The following SLC35E2B variants were observed in gnomAD, a reference collection of about 807,000 sequenced individuals.
SLC35E2B encodes the protein solute carrier family 35, member E2B.
SLC35E2B carries 18 observed loss-of-function variants against 32.4 expected under a neutral mutation model. The observed-to-expected ratio is 0.56, with a 90% CI of 0.38 to 0.82. SLC35E2B has a LOEUF of 0.82. Among genes scored for constraint, SLC35E2B ranks in the 40% least tolerant of loss-of-function variants. The probability of loss-of-function intolerance (pLI) is 0.00; values close to 1 mark genes in which losing one functional copy is unlikely to be tolerated. For synonymous variants in SLC35E2B, 132 were observed against 209.1 expected (o/e 0.63, Z 3.18); for missense variants, 263 against 469.5 (o/e 0.56, Z 4.06).
chr1:1,665,944 C>G lies in SLC35E2B; in HGVS notation c.1056G>C (p.Leu352Phe), dbSNP rs762935324. The G allele has an allele frequency of 1.3e-6, 2 of 1,551,450 alleles. No homozygotes were observed. Among genetic ancestry groups the G allele is most frequent in the African/African-American group, 2.7e-5 (2 of 73,066 alleles). ...TCACCAGGGCTGTGCCAACGGCCGA[C>G]AAGCTGGTGATCTTGTTGCCGAAAA... is the stretch of plus-strand genomic sequence containing the variant. The part of the protein sequence containing the change: ...VIVFGNKITS[L>F]SAVGTALVTV... The change falls in exon 10 of 10, where the codon TTG becomes TTC. Residue 352 changes from leucine (L) to phenylalanine (F), a missense_variant. Leu to Phe is a conservative substitution (Grantham distance 22). Coordinates refer to ENST00000617444, the MANE Select transcript of SLC35E2B (RefSeq NM_001290264.2).
Position 1,662,761 on chromosome 1 carries a change from C to T in SLC35E2B, c.*3021G>A, listed in dbSNP as rs1138964. On this transcript the variant is annotated 3_prime_UTR_variant, in exon 10 of 10. Transcript: ENST00000617444. ...CTCTTAAGTATCAACGTAAAGAAGC[C>T]GATGACCCAATTCGGGAGGTGGTTC... 7 of 749,390 alleles carry T rather than the reference C, an allele frequency of 9.3e-6. No individual in the cohort carries two copies. In the South Asian group the frequency reaches 2.2e-4, roughly 24 times the overall value. The allele number at this position is 749,390 out of a possible 1,614,324, so 46.4% of individuals were successfully genotyped here.
At chr1:1,688,397 G>C (rs1413877096) in intron 2 of SLC35E2B, among the ~76,000 whole-genome samples, 5 of 151,926 alleles carry the variant, frequency 3.3e-5, no homozygotes, top group Non-Finnish European at 7.4e-5. Flanking sequence ...ACAAGGTCAG[G>C]ACATCGAGAT....
At chr1:1,680,572 C>T (rs1178150973) in intron 2 of SLC35E2B, among the ~76,000 whole-genome samples, 1 of 152,140 alleles carries the variant, frequency 6.6e-6, no homozygotes, top group East Asian at 1.9e-4. Flanking sequence ...ACCTGTGCTC[C>T]CACAGCCCTG....
Position 1,663,454 on chromosome 1 carries a change from C to T in SLC35E2B, c.*2328G>A. 1 of 946,414 alleles carries T rather than the reference C, an allele frequency of 1.1e-6. No homozygotes were observed. The highest frequency in any genetic ancestry group is 1.3e-6 in the Non-Finnish European group (1 of 794,442). 58.6% of individuals were successfully genotyped at this position (946,414 alleles called of 1,614,324 possible). A position where few individuals can be genotyped will look rare whatever the true frequency, so the allele number is the denominator to read the frequency against. ...TCCTCACAAATCAACAACTCCCCGC[C>T]ACCTCCAGGGCATTTTCTAATAGTG... On this transcript the variant is annotated 3_prime_UTR_variant, in exon 10 of 10. Coordinates refer to ENST00000617444, the MANE Select transcript of SLC35E2B (RefSeq NM_001290264.2).
At chr1:1,667,527 C>T (rs1241745935) in intron 9 of SLC35E2B, among the ~76,000 whole-genome samples, 1 of 152,164 alleles carries the variant, frequency 6.6e-6, no homozygotes, top group African/African-American at 2.4e-5. Context: ...TCTAGAGCTG[C>T]ACCGCACGGC....
Position 1,690,107 on chromosome 1 carries a change from C to T in SLC35E2B, c.-148+869G>A, listed in dbSNP as rs1570351079. ...GATCAGTCTGACCAACATGGAGAAACCCCATCTCTACTAAAAATACAAAGT... is the reference window on the plus strand; with the variant it reads ...GATCAGTCTGACCAACATGGAGAAATCCCATCTCTACTAAAAATACAAAGT... On this transcript the variant is annotated intron_variant, in intron 2 of 9. Transcript: ENST00000617444. 2.0e-5 allele frequency among the ~76,000 whole-genome samples: 3 copies of T among 150,234 alleles called. No individual in the cohort carries two copies. The Admixed American group carries it at 2.0e-4, about 10-fold the overall frequency.
chr1:1,683,177 G>A (rs1175409765), intron 2 of SLC35E2B, among the ~76,000 whole-genome samples: 1 of 152,182 alleles, frequency 6.6e-6, no homozygotes, highest in African/African-American at 2.4e-5. Context: ...GGAGATGCAG[G>A]TTATTTCCAC....
At chr1:1,684,053 C>T (rs943943027) in intron 2 of SLC35E2B, among the ~76,000 whole-genome samples, 6 of 152,084 alleles carry the variant, frequency 3.9e-5, no homozygotes, top group Admixed American at 6.6e-5. Context: ...GGATCGCTTG[C>T]TGTCCACTCA....
intron 2 of SLC35E2B, among the ~76,000 whole-genome samples, chr1:1,682,808 GC>G (rs1643911920): frequency 6.6e-6 from 1 of 152,086 alleles, no homozygotes; most frequent in South Asian, 2.1e-4. Flanking sequence ...GGGAGGCCGG[GC>G]TTGGTGGCTC....
In SLC35E2B at chr1:1,675,397, G is replaced by A. The variant is rs553527492; in HGVS notation, c.586+66C>T. On this transcript the variant is annotated intron_variant, in intron 5 of 9. Transcript: ENST00000617444. ...GAGCCCCATGGCAGGCAGCAGAGAC[G>A]GGCACCACGGATGGAGGCCTGGGAT... The A allele has an allele frequency of 2.0e-5, 31 of 1,557,644 alleles. 1 individual carries two copies. Among genetic ancestry groups the A allele is most frequent in the South Asian group, 1.3e-4 (11 of 84,172 alleles).
rs1426532672 is a variant in SLC35E2B at position 1,669,721 on chromosome 1, C to G, written c.777G>C (p.Gln259His). Residue 259 changes from glutamine to histidine, a missense_variant, in exon 8 of 10, where the codon CAG becomes CAC. Gln to His is a conservative substitution (Grantham distance 24). Coordinates refer to ENST00000617444, the MANE Select transcript of SLC35E2B (RefSeq NM_001290264.2). Reference protein sequence around the residue: ...DKYRFSAPELQFYTSAAAVAM... With the variant: ...DKYRFSAPELHFYTSAAAVAM... ...CCACCGCAGCGGCGCTGGTGTAGAA[C>G]TGCAGCTCCGGGGCCCTGTGGGTGA... The G allele has an allele frequency of 6.5e-7, 1 of 1,547,306 alleles. No individual in the cohort carries two copies. Among genetic ancestry groups the G allele is most frequent in the Non-Finnish European group, 8.7e-7 (1 of 1,145,324 alleles).
intron 7 of SLC35E2B, 85 bp downstream of exon 7, chr1:1,670,013 C>A (rs773469875): frequency 2.4e-6 from 3 of 1,235,034 alleles, no homozygotes; most frequent in Non-Finnish European, 3.5e-6. Context: ...GGGAGTCAGG[C>A]CTGTGGGGTG....
chr1:1,689,330 G>A (rs912795822), intron 2 of SLC35E2B, among the ~76,000 whole-genome samples: 3 of 151,866 alleles, frequency 2.0e-5, no homozygotes, highest in African/African-American at 7.2e-5. Flanking sequence ...CACAAACAGC[G>A]ACAATTAGTA....
chr1:1,669,573 C>T, intron 8 of SLC35E2B, 91 bp downstream of exon 8: 2 of 1,354,046 alleles, frequency 1.5e-6, no homozygotes, highest in African/African-American at 1.5e-5. Context: ...CCAGCCAGCA[C>T]ACGGCCTGGA....
intron 5 of SLC35E2B, among the ~76,000 whole-genome samples, chr1:1,674,957 T>A (rs1643804751): frequency 6.6e-6 from 1 of 152,020 alleles, no homozygotes. Context: ...AAATCGCCTG[T>A]GAGTCATTAA....
intron 2 of SLC35E2B, among the ~76,000 whole-genome samples, chr1:1,682,418 G>A (rs1249322466): frequency 2.0e-5 from 3 of 152,082 alleles, no homozygotes; most frequent in Non-Finnish European, 4.4e-5. Context: ...ACACCTTATT[G>A]ATGGAGCTGA....
intron 2 of SLC35E2B, among the ~76,000 whole-genome samples, chr1:1,685,073 C>T (rs565391032): frequency 6.6e-6 from 1 of 150,476 alleles, no homozygotes; most frequent in East Asian, 2.0e-4. Flanking sequence ...CGCCATTGCA[C>T]TCCAGCCTGG....
chr1:1,682,395 A>G (rs760727966), intron 2 of SLC35E2B, among the ~76,000 whole-genome samples: 2 of 152,144 alleles, frequency 1.3e-5, no homozygotes, highest in Non-Finnish European at 2.9e-5. Context: ...GTGCCTGTCA[A>G]CAGTAGAAAC....
chr1:1,682,835 G>C (rs1010660870), intron 2 of SLC35E2B, among the ~76,000 whole-genome samples: 1 of 152,100 alleles, frequency 6.6e-6, no homozygotes, highest in African/African-American at 2.4e-5. Flanking sequence ...TGTAATCCCA[G>C]CACTTTGGAG....
Sources: gnomAD v4.1 joint callset for allele counts (sites outside exome capture counted in the v4.1 genomes callset) on GRCh38, gnomAD v4.1.1 for gene constraint, MANE v1.5 for transcripts, NCBI Gene and HGNC (gene_info 2026-07-23, HGNC 2026-07-21) for gene names.